The following ITGA8 variants were observed in gnomAD, a reference collection of about 807,000 sequenced individuals.
ITGA8 encodes integrin subunit alpha 8, also known as integrin alpha-8.
Under a neutral mutation model 142.3 loss-of-function variants are expected in ITGA8, and 91 were observed. The ratio of observed to expected loss-of-function variants is 0.64; its 90% CI spans 0.54 to 0.76. The LOEUF is 0.76. Ranked by LOEUF, ITGA8 falls within the 30% of genes least tolerant of loss-of-function variation. ITGA8 has a pLI of 0.00. For synonymous variants in ITGA8, 505 were observed against 485.2 expected (o/e 1.04, Z -0.54); for missense variants, 1,406 against 1,327.7 (o/e 1.06, Z -0.92).
At position 15,644,104 on chromosome 10, in the gene ITGA8, G is replaced by C; in HGVS notation, c.1325C>G (p.Ala442Gly). The C allele has an allele frequency of 6.2e-7, 1 of 1,614,076 alleles. No individual in the cohort carries two copies. The highest frequency in any genetic ancestry group is 8.5e-7 in the Non-Finnish European group (1 of 1,180,002). Residue 442 changes from alanine to glycine, a missense_variant, in exon 13 of 30, where the codon GCC becomes GGC. By Grantham distance (60) the Ala-to-Gly change is moderately conservative (BLOSUM62 0). Transcript: ENST00000378076. Reference sequence around the variant, plus strand: ...AAATCCGGAAGGGACAGCATGTGAGGCCCACACTCCTTGCAGAACTTGGGA... The same window carrying C: ...AAATCCGGAAGGGACAGCATGTGAGCCCCACACTCCTTGCAGAACTTGGGA... ...KPSQVLQGVW[A>G]SHAVPSGFGF...
chr10:15,644,495 A>AT (rs35880999), intron 12 of ITGA8, among the ~76,000 whole-genome samples: 4 of 44,914 alleles, frequency 8.9e-5, no homozygotes, highest in African/African-American at 3.6e-4. Context: ...TATATATAGA[A>AT]TTTTTTTTTT....
intron 29 of ITGA8, among the ~76,000 whole-genome samples, chr10:15,518,248 A>G (rs985326210): frequency 3.3e-5 from 5 of 152,228 alleles, no homozygotes; most frequent in Admixed American, 1.3e-4. Context: ...TTGGAAGCCA[A>G]TTAACTGGGT....
intron 26 of ITGA8, among the ~76,000 whole-genome samples, chr10:15,556,062 T>C (rs999748694): frequency 1.6e-5 from 2 of 125,900 alleles, no homozygotes; most frequent in African/African-American, 6.0e-5. Flanking sequence ...AGTCTCACTC[T>C]GTCTCCCAGG....
chr10:15,628,853 G>A (rs1022734203), intron 13 of ITGA8, among the ~76,000 whole-genome samples: 1 of 151,886 alleles, frequency 6.6e-6, no homozygotes, highest in African/African-American at 2.4e-5. Flanking sequence ...CAAATATTAT[G>A]TATCAAAAAA....
At chr10:15,532,903 G>A (rs956874830) in intron 27 of ITGA8, among the ~76,000 whole-genome samples, 12 of 152,288 alleles carry the variant, frequency 7.9e-5, no homozygotes, top group Admixed American at 5.2e-4. Flanking sequence ...TCTGTGCTCA[G>A]GATGTGATTT....
intron 2 of ITGA8, among the ~76,000 whole-genome samples, chr10:15,709,444 A>G (rs1022420343): frequency 3.3e-5 from 5 of 152,234 alleles, no homozygotes; most frequent in Admixed American, 6.5e-5. Flanking sequence ...TTTATAACTC[A>G]TCATATATAA....
At chr10:15,599,002 A>G (rs1372344911) in intron 20 of ITGA8, among the ~76,000 whole-genome samples, 2 of 152,206 alleles carry the variant, frequency 1.3e-5, no homozygotes, top group Admixed American at 6.5e-5. Context: ...TCATGAAAAC[A>G]GAAAGAACAA....
intron 13 of ITGA8, among the ~76,000 whole-genome samples, chr10:15,640,977 A>G (rs1833860915): frequency 6.6e-6 from 1 of 152,184 alleles, no homozygotes; most frequent in African/African-American, 2.4e-5. Flanking sequence ...TGAGCCAGAT[A>G]TCTCTTCCCA....
chr10:15,692,699 G>A (rs1024189330), intron 2 of ITGA8, among the ~76,000 whole-genome samples: 1 of 152,192 alleles, frequency 6.6e-6, no homozygotes, highest in African/African-American at 2.4e-5. Flanking sequence ...CATACACTTT[G>A]CAGATGTCAG....
At chr10:15,615,113 T>G (rs2131617828) in intron 14 of ITGA8, among the ~76,000 whole-genome samples, 1 of 152,286 alleles carries the variant, frequency 6.6e-6, no homozygotes, top group South Asian at 2.1e-4. Flanking sequence ...GTCCGCTAAT[T>G]GGCTGGGAGC....
At position 15,591,623 on chromosome 10, in the gene ITGA8, G is replaced by A. The variant is rs75728632; in HGVS notation, c.2291+602C>T. Reference sequence around the variant, plus strand: ...TATTATTTTCAGCCACAAAGGAGCAGACAGAATAGGTGGTAAGAGGGTAAA... The same window carrying A: ...TATTATTTTCAGCCACAAAGGAGCAAACAGAATAGGTGGTAAGAGGGTAAA... On this transcript the variant is annotated intron_variant, in intron 22 of 29. Coordinates refer to ENST00000378076, the MANE Select transcript of ITGA8 (RefSeq NM_003638.3). 3.9e-3 allele frequency among the ~76,000 whole-genome samples: 587 copies of A among 152,194 alleles called. 5 individuals carry two copies. Among genetic ancestry groups the A allele is most frequent in the African/African-American group, 0.014 (561 of 41,506 alleles).
chr10:15,679,777 T>G (rs1164833878), intron 4 of ITGA8, among the ~76,000 whole-genome samples: 1 of 152,154 alleles, frequency 6.6e-6, no homozygotes, highest in Admixed American at 6.5e-5. Flanking sequence ...CATGGTACAG[T>G]TGTAAGCTAT....
rs573928854 is a variant in ITGA8 at position 15,696,382 on chromosome 10, G to A, written c.344-8344C>T. ...AAGTGAAAATTTTTCAAGAATAGGA[G>A]GAATATATGTAATATGTAAGAGTCC... On this transcript the variant is annotated intron_variant, in intron 2 of 29. Coordinates refer to ENST00000378076, the MANE Select transcript of ITGA8 (RefSeq NM_003638.3). Among the ~76,000 whole-genome samples the A allele has an allele frequency of 4.6e-5, 7 of 152,172 alleles. No homozygotes were observed. In the South Asian group the frequency reaches 1.0e-3, roughly 23 times the overall value.
chr10:15,583,134 C>T (rs1834444806), intron 23 of ITGA8, among the ~76,000 whole-genome samples: 1 of 152,148 alleles, frequency 6.6e-6, no homozygotes, highest in South Asian at 2.1e-4. Flanking sequence ...TCCAGATAGA[C>T]TGGATAAAGA....
At chr10:15,530,501 G>A (rs9333243) in intron 28 of ITGA8, among the ~76,000 whole-genome samples, 37,161 of 130,756 alleles carry the variant, frequency 0.28, 5,209 homozygotes, top group Middle Eastern at 0.37. Context: ...AGCTGAGATC[G>A]TGCCCCTGCA....
intron 11 of ITGA8, among the ~76,000 whole-genome samples, chr10:15,652,719 A>T (rs1404647243): frequency 6.6e-6 from 1 of 152,232 alleles, no homozygotes; most frequent in African/African-American, 2.4e-5. Flanking sequence ...TCAGGATAAG[A>T]TTGACATTCA....
In ITGA8 at chr10:15,719,888, G is replaced by T. The variant is rs536821644; in HGVS notation, c.-117C>A. The T allele has an allele frequency of 4.2e-5, 33 of 786,564 alleles. No homozygotes were observed. The Admixed American group carries it at 1.3e-3, about 31-fold the overall frequency. 48.7% of individuals were successfully genotyped at this position (786,564 alleles called of 1,614,324 possible). On this transcript the variant is annotated 5_prime_UTR_variant, in exon 1 of 30. Transcript: ENST00000378076. ...AGCTGCCCGTGTCCCGGGTCGGTGC[G>T]CTCGGCGCACCCGTGGTGACAGTGC...
In ITGA8 at chr10:15,671,586, T is replaced by C. The variant is rs1564402009; in HGVS notation, c.847+17A>G. 1.2e-6 allele frequency: 2 copies of C among 1,605,382 alleles called. No individual in the cohort carries two copies. Among genetic ancestry groups the C allele is most frequent in the South Asian group, 2.2e-5 (2 of 90,840 alleles). On this transcript the variant is annotated intron_variant, in intron 8 of 29. Coordinates refer to ENST00000378076, the MANE Select transcript of ITGA8 (RefSeq NM_003638.3). ...CCCATGCTTTATAAGTGATTTAAAC[T>C]CAACAGTGCCTCTCACCTTGCTGAG...
At chr10:15,536,460 A>C (rs571713367) in intron 27 of ITGA8, among the ~76,000 whole-genome samples, 3 of 152,324 alleles carry the variant, frequency 2.0e-5, no homozygotes, top group African/African-American at 7.2e-5. Flanking sequence ...ATGGAAAGCA[A>C]TTACGGGCAG....
Sources: gnomAD v4.1 joint callset for allele counts (sites outside exome capture counted in the v4.1 genomes callset) on GRCh38, gnomAD v4.1.1 for gene constraint, MANE v1.5 for transcripts, NCBI Gene and HGNC (gene_info 2026-07-23, HGNC 2026-07-21) for gene names.